The following RGS7 variants were observed in gnomAD, a reference collection of about 807,000 sequenced individuals.
RGS7 encodes regulator of G-protein signaling 7.
A neutral mutation model predicts 81.1 loss-of-function variants in RGS7; 27 were observed. That is an observed-to-expected ratio of 0.33 (90% CI 0.25 to 0.46). The LOEUF (loss-of-function observed/expected upper bound fraction) is 0.46, where lower values mean the gene tolerates loss of function less well. Ranked by LOEUF, RGS7 falls within the 20% of genes least tolerant of loss-of-function variation. RGS7 has a pLI of 1.00. For missense variants in RGS7, 396 were observed against 607.4 expected (o/e 0.65, Z 3.66); for synonymous variants, 208 against 207.7 (o/e 1.00, Z -0.01).
intron 6 of RGS7, among the ~76,000 whole-genome samples, chr1:240,875,580 C>T (rs1253892549): frequency 6.6e-6 from 1 of 152,058 alleles, no homozygotes; most frequent in African/African-American, 2.4e-5. Context: ...TATGGTAGTT[C>T]TAGGTTCATT....
chr1:240,990,636 G>C (rs1459632738), intron 3 of RGS7, among the ~76,000 whole-genome samples: 4 of 152,170 alleles, frequency 2.6e-5, no homozygotes, highest in Admixed American at 6.5e-5. Flanking sequence ...GGTATATCTA[G>C]AGAAAATTAT....
intron 6 of RGS7, among the ~76,000 whole-genome samples, chr1:240,924,138 G>A (rs1674032318): frequency 6.6e-6 from 1 of 152,144 alleles, no homozygotes; most frequent in African/African-American, 2.4e-5. Flanking sequence ...GTCCCTGAAG[G>A]AAAAATTACT....
At chr1:241,008,191 C>T (rs571844531) in intron 3 of RGS7, among the ~76,000 whole-genome samples, 1 of 152,072 alleles carries the variant, frequency 6.6e-6, no homozygotes, top group Non-Finnish European at 1.5e-5. Context: ...GACCAAGTTT[C>T]TTTTAAGGCC....
chr1:241,288,462 T>A (rs919518674), intron 2 of RGS7, among the ~76,000 whole-genome samples: 1 of 152,162 alleles, frequency 6.6e-6, no homozygotes, highest in Admixed American at 6.5e-5. Context: ...CTGGAGGACA[T>A]GAGTAGTCTG....
Position 240,868,572 on chromosome 1 carries a change from G to A in RGS7, c.609+15C>T. ...GAGAAGATGGATTCAAGACGAGAGT[G>A]CGACGCTTGCTTACCACGGGCCTGT... On this transcript the variant is annotated intron_variant, in intron 9 of 18. Coordinates refer to ENST00000440928, the MANE Select transcript of RGS7 (RefSeq NM_001364886.1). This position sits in a 1 kb window ranked among gnomAD's most constrained non-coding sequence, Gnocchi z 5.1. 1 of 1,612,718 alleles carries A rather than the reference G, an allele frequency of 6.2e-7. No individual in the cohort carries two copies. Among genetic ancestry groups the A allele is most frequent in the Non-Finnish European group, 8.5e-7 (1 of 1,178,792 alleles).
chr1:240,788,925 G>A (rs1285230390), intron 18 of RGS7, among the ~76,000 whole-genome samples: 1 of 152,106 alleles, frequency 6.6e-6, no homozygotes, highest in East Asian at 1.9e-4. Context: ...ATCACTTGAG[G>A]TCAGGCATTT....
At chr1:241,022,880 G>A (rs1289874354) in intron 3 of RGS7, among the ~76,000 whole-genome samples, 1 of 152,048 alleles carries the variant, frequency 6.6e-6, no homozygotes, top group East Asian at 1.9e-4. Flanking sequence ...AAAAGGTTAG[G>A]TAACTTGCTG....
intron 3 of RGS7, among the ~76,000 whole-genome samples, chr1:241,010,002 G>C (rs2058875645): frequency 6.6e-6 from 1 of 152,132 alleles, no homozygotes; most frequent in African/African-American, 2.4e-5. Context: ...CATGGACACA[G>C]GGAGGGGAAC....
At chr1:241,034,883 C>T (rs539496701) in intron 3 of RGS7, among the ~76,000 whole-genome samples, 7 of 152,156 alleles carry the variant, frequency 4.6e-5, no homozygotes, top group Admixed American at 1.3e-4. Context: ...TGATAGAAAA[C>T]GATTTTGAGA....
intron 2 of RGS7, among the ~76,000 whole-genome samples, chr1:241,336,759 A>G (rs1290860897): frequency 6.6e-6 from 1 of 152,222 alleles, no homozygotes; most frequent in South Asian, 2.1e-4. Flanking sequence ...AAAACGCCTT[A>G]TTGCTTGCAT....
intron 4 of RGS7, among the ~76,000 whole-genome samples, chr1:240,959,421 G>A (rs1233760448): frequency 6.6e-6 from 1 of 152,142 alleles, no homozygotes; most frequent in Non-Finnish European, 1.5e-5. Context: ...TGCAGCATGT[G>A]ACTGTACCGA....
At chr1:240,819,629 T>C (rs185840362) in intron 10 of RGS7, among the ~76,000 whole-genome samples, 1 of 152,248 alleles carries the variant, frequency 6.6e-6, no homozygotes, top group East Asian at 1.9e-4. Context: ...TCCCAGCTAC[T>C]TGGGAGGCTG....
intron 2 of RGS7, among the ~76,000 whole-genome samples, chr1:241,270,837 C>A: frequency 6.6e-6 from 1 of 151,448 alleles, no homozygotes; most frequent in Non-Finnish European, 1.5e-5. Flanking sequence ...TGGTTCACTG[C>A]AAGTTCCGCC....
At chr1:240,911,447 C>T (rs961281371) in intron 6 of RGS7, among the ~76,000 whole-genome samples, 5 of 152,154 alleles carry the variant, frequency 3.3e-5, no homozygotes. Flanking sequence ...CCAACTTGGG[C>T]CCTCTTTTTG....
At chr1:241,273,185 C>CA (rs71841791) in intron 2 of RGS7, among the ~76,000 whole-genome samples, 4 of 133,342 alleles carry the variant, frequency 3.0e-5, no homozygotes, top group Admixed American at 1.5e-4. Flanking sequence ...ACCCCCCCCC[C>CA]CAAAGGATAC....
chr1:241,289,837 C>T (rs1033901062), intron 2 of RGS7, among the ~76,000 whole-genome samples: 2 of 152,034 alleles, frequency 1.3e-5, no homozygotes, highest in Non-Finnish European at 2.9e-5. Context: ...TGACTGCCTG[C>T]TGCTACCTGA....
At chr1:241,223,633 G>T (rs1404500499) in intron 2 of RGS7, among the ~76,000 whole-genome samples, 1 of 151,660 alleles carries the variant, frequency 6.6e-6, no homozygotes, top group African/African-American at 2.4e-5. Context: ...ATATTGTAAA[G>T]TTTGTCACGT....
rs144123865 is a variant in RGS7 at position 241,132,630 on chromosome 1, C to T, written c.79-33868G>A. Among the ~76,000 whole-genome samples the T allele has an allele frequency of 2.4e-3, 360 of 151,790 alleles. 3 individuals are homozygous for T. Among genetic ancestry groups the T allele is most frequent in the African/African-American group, 8.4e-3 (347 of 41,096 alleles). On this transcript the variant is annotated intron_variant, in intron 2 of 18. Coordinates refer to ENST00000440928, the MANE Select transcript of RGS7 (RefSeq NM_001364886.1). ...ACATATTTTGGAGAAGAGGTACTTC[C>T]ATTTTTTTTGGTGGGGGAGGTACAT...
At position 241,276,198 on chromosome 1, in the gene RGS7, G is replaced by A. The variant is rs557013321; in HGVS notation, c.78+79501C>T. 6.6e-5 allele frequency among the ~76,000 whole-genome samples: 10 copies of A among 152,328 alleles called. No homozygotes were observed. In the South Asian group the frequency reaches 2.1e-3, roughly 32 times the overall value. On this transcript the variant is annotated intron_variant, in intron 2 of 18. Coordinates refer to ENST00000440928, the MANE Select transcript of RGS7 (RefSeq NM_001364886.1). ...CTGGAAATAACTGAAGTATGAGTCA[G>A]ACTTTAGGAGATCAGCTCAGAATGG...
Sources: gnomAD v4.1 joint callset for allele counts (sites outside exome capture counted in the v4.1 genomes callset) on GRCh38, gnomAD v4.1.1 for gene constraint, Gnocchi (gnomAD v3.1) non-coding constraint, MANE v1.5 for transcripts, NCBI Gene and HGNC (gene_info 2026-07-23, HGNC 2026-07-21) for gene names.